POLA2: variants seen among roughly 807,000 people sequenced by gnomAD.
The protein encoded by POLA2 is DNA polymerase alpha 2, accessory subunit.
A neutral mutation model predicts 82.8 loss-of-function variants in POLA2; 47 were observed. The observed-to-expected ratio is 0.57, with a 90% CI of 0.45 to 0.72. The LOEUF is 0.72. Ranked by LOEUF, POLA2 falls within the 30% of genes least tolerant of loss-of-function variation. The probability of loss-of-function intolerance (pLI) is 0.00; values close to 1 mark genes in which losing one functional copy is unlikely to be tolerated. For synonymous variants in POLA2, 287 were observed against 286.8 expected (o/e 1.00, Z -0.01); for missense variants, 634 against 728.1 (o/e 0.87, Z 1.49).
At chr11:65,289,452 T>C (rs535871710) in intron 12 of POLA2, among the ~76,000 whole-genome samples, 1 of 152,368 alleles carries the variant, frequency 6.6e-6, no homozygotes, top group East Asian at 1.9e-4. Flanking sequence ...CATCTTGCTG[T>C]CCTTTGCATA....
At chr11:65,269,019 T>C (rs1175766061) in intron 4 of POLA2, among the ~76,000 whole-genome samples, 1 of 152,220 alleles carries the variant, frequency 6.6e-6, no homozygotes, top group Non-Finnish European at 1.5e-5. Flanking sequence ...TATAATTGAA[T>C]AATTCAGTTC....
At chr11:65,279,507 A>G (rs752601204) in intron 6 of POLA2, 31 bp from the exon 7 acceptor site, 9 of 1,417,440 alleles carry the variant, frequency 6.3e-6, no homozygotes, top group East Asian at 4.6e-5. Flanking sequence ...TGTCTTAAAC[A>G]TAATACTTTT....
rs576531503 is a variant in POLA2 at position 65,293,585 on chromosome 11, G to C, written c.1245-568G>C. On this transcript the variant is annotated intron_variant, in intron 13 of 17. Coordinates refer to ENST00000265465, the MANE Select transcript of POLA2 (RefSeq NM_002689.4). ...CATCATGCCACTGCACTCCGGCCTG[G>C]GCGACAGAGTGAGGCTCTGTCTCAA... Among the ~76,000 whole-genome samples the C allele has an allele frequency of 1.0e-3, 150 of 150,500 alleles. 1 individual carries two copies. The highest frequency in any genetic ancestry group is 3.4e-3 in the African/African-American group (137 of 40,718).
At chr11:65,290,109 G>A (rs571008449) in intron 13 of POLA2, among the ~76,000 whole-genome samples, 1 of 152,122 alleles carries the variant, frequency 6.6e-6, no homozygotes, top group African/African-American at 2.4e-5. Context: ...TTAGCCAGGC[G>A]TGGCGGTGGG....
At chr11:65,265,073 A>G (rs1949443500) in intron 1 of POLA2, among the ~76,000 whole-genome samples, 2 of 152,198 alleles carry the variant, frequency 1.3e-5, no homozygotes, top group Admixed American at 1.3e-4. Context: ...TACTTAAAAT[A>G]CAAAAATTAG....
chr11:65,294,103 C>G, intron 13 of POLA2, 50 bp from the exon 14 acceptor site: 1 of 1,512,600 alleles, frequency 6.6e-7, no homozygotes, highest in Non-Finnish European at 9.2e-7. Context: ...TGTTCTAACT[C>G]AACTGCACTC....
chr11:65,292,754 A>G (rs1179535986), intron 13 of POLA2, among the ~76,000 whole-genome samples: 1 of 152,258 alleles, frequency 6.6e-6, no homozygotes, highest in African/African-American at 2.4e-5. Context: ...AAACAGTGAT[A>G]AGGGTGACAG....
At chr11:65,275,486 A>G (rs142440365) in intron 4 of POLA2, among the ~76,000 whole-genome samples, 101 of 152,344 alleles carry the variant, frequency 6.6e-4, no homozygotes, top group African/African-American at 2.1e-3. Context: ...GACTTTGCCA[A>G]AGTAAGTAGT....
chr11:65,305,737 A>G (rs1949884215), downstream of POLA2: 5 of 228,290 alleles, frequency 2.2e-5, no homozygotes, highest in South Asian at 9.7e-5. Context: ...AGTCCTCCCA[A>G]GTCCCTTCTG....
intron 7 of POLA2, 186 bp from the exon 8 acceptor site, chr11:65,280,806 C>T (rs1949631773): frequency 1.7e-6 from 1 of 582,106 alleles, no homozygotes; most frequent in South Asian, 2.0e-5. Context: ...GACAAGATGC[C>T]CTTTCAGAGT....
chr11:65,301,933 C>A (rs1286084757), downstream of POLA2, among the ~76,000 whole-genome samples: 3 of 152,168 alleles, frequency 2.0e-5, no homozygotes, highest in Non-Finnish European at 4.4e-5. Flanking sequence ...TAGGGGCTGG[C>A]CTGCCCTCAG....
rs1410104328 is a variant in POLA2, at chr11:65,289,100, G to A, written c.1170+12G>A. On this transcript the variant is annotated intron_variant, in intron 12 of 17. Transcript: ENST00000265465. ...ATGAACAGGTGGAGGTGAGTGGGCT[G>A]GGGTGGGAAGGGGTCCTGGGTACTT... 16 of 1,608,532 alleles carry A rather than the reference G, an allele frequency of 9.9e-6. No homozygotes were observed. The highest frequency in any genetic ancestry group is 1.4e-5 in the Non-Finnish European group (16 of 1,175,964).
At chr11:65,295,481 C>T (rs1287914823) in intron 15 of POLA2, 59 bp from the exon 16 acceptor site, 10 of 1,417,384 alleles carry the variant, frequency 7.1e-6, no homozygotes, top group Non-Finnish European at 1.0e-5. Context: ...CCAGTCCTCC[C>T]TGAAGAGAAA....
At chr11:65,276,069 G>A (rs1949576359) in intron 5 of POLA2, 71 bp downstream of exon 5, 1 of 804,640 alleles carries the variant, frequency 1.2e-6, no homozygotes, top group Non-Finnish European at 2.0e-6. Context: ...ATCTGAGGAA[G>A]GCTAACAGCA....
chr11:65,294,960 T>G (rs1434858541), intron 15 of POLA2, among the ~76,000 whole-genome samples: 1 of 152,212 alleles, frequency 6.6e-6, no homozygotes, highest in African/African-American at 2.4e-5. Context: ...TTTTTTTCAT[T>G]TCCCAAATTT....
Position 65,281,121 on chromosome 11 carries a change from A to G in POLA2, c.874A>G (p.Lys292Glu). 6.2e-7 allele frequency: 1 copy of G among 1,614,116 alleles called. No homozygotes were observed. The highest frequency in any genetic ancestry group is 1.3e-5 in the African/African-American group (1 of 75,046). ...AATTCCAGTGGATTTATCTGAGCTT[A>G]AGGAATATTCTCTGTTTCCTGGACA... is the stretch of plus-strand genomic sequence containing the variant. ...AQIPVDLSEL[K>E]EYSLFPGQVV... The change falls in exon 8 of 18, where the codon AAG becomes GAG. Residue 292 changes from lysine (K) to glutamate (E), a missense_variant. By Grantham distance (56) the Lys-to-Glu change is moderately conservative. Coordinates refer to ENST00000265465, the MANE Select transcript of POLA2 (RefSeq NM_002689.4).
chr11:65,297,022 C>A, intron 17 of POLA2, 98 bp from the exon 18 acceptor site: 1 of 1,288,134 alleles, frequency 7.8e-7, no homozygotes, highest in Non-Finnish European at 1.1e-6. Context: ...TTTCTAAAAC[C>A]CTCTTTGGGG....
chr11:65,264,303 C>T (rs1215947595), intron 1 of POLA2, among the ~76,000 whole-genome samples: 1 of 152,072 alleles, frequency 6.6e-6, no homozygotes, highest in African/African-American at 2.4e-5. Flanking sequence ...CCCTGACCTC[C>T]AGTGATCCTC....
downstream of POLA2, among the ~76,000 whole-genome samples, chr11:65,305,781 T>C (rs368832368): frequency 3.9e-5 from 6 of 152,158 alleles, no homozygotes; most frequent in East Asian, 3.9e-4. Flanking sequence ...CGTGCATGTG[T>C]GAAAGGGCTT....
Sources: allele counts gnomAD v4.1 joint callset (sites outside exome capture counted in the v4.1 genomes callset), GRCh38; gene constraint gnomAD v4.1.1; transcripts MANE v1.5; gene names NCBI Gene and HGNC (gene_info 2026-07-23, HGNC 2026-07-21).